The following BMPR1A variants were observed in gnomAD, a reference collection of about 807,000 sequenced individuals.
BMPR1A encodes bone morphogenetic protein receptor type 1A.
In BMPR1A, 7 loss-of-function variants were observed where a neutral mutation model predicts 66.0. The ratio of observed to expected loss-of-function variants is 0.11; its 90% CI spans 0.06 to 0.20. The LOEUF (loss-of-function observed/expected upper bound fraction) is 0.20. Ranked by LOEUF, BMPR1A falls within the 10% of genes least tolerant of loss-of-function variation. The probability of loss-of-function intolerance (pLI) is 1.00; values close to 1 mark genes in which losing one functional copy is unlikely to be tolerated. For synonymous variants in BMPR1A, 200 were observed against 229.7 expected (o/e 0.87, Z 1.17); for missense variants, 408 against 669.1 (o/e 0.61, Z 4.31).
intron 1 of BMPR1A, among the ~76,000 whole-genome samples, chr10:86,782,196 G>A (rs1015082366): frequency 6.6e-6 from 1 of 152,106 alleles, no homozygotes; most frequent in Non-Finnish European, 1.5e-5. Context: ...ATATCCAGTT[G>A]TGTATATGTA....
In BMPR1A at chr10:86,769,269, A is replaced by G. The variant is rs1353745203; in HGVS notation, c.-268+12350A>G. On this transcript the variant is annotated intron_variant, in intron 1 of 12. Transcript: ENST00000372037. Reference sequence around the variant, plus strand: ...CAAGTTGGTGTAAAAGAGTAAATAGATCTAGAGCTGAACTCTGTAGTTCTA... The same window carrying G: ...CAAGTTGGTGTAAAAGAGTAAATAGGTCTAGAGCTGAACTCTGTAGTTCTA... Among the ~76,000 whole-genome samples the G allele has an allele frequency of 4.6e-5, 7 of 152,318 alleles. No individual in the cohort carries two copies. The East Asian group carries it at 1.3e-3, about 29-fold the overall frequency.
chr10:86,767,722 C>CT (rs1365579571), intron 1 of BMPR1A, among the ~76,000 whole-genome samples: 3 of 151,552 alleles, frequency 2.0e-5, no homozygotes, highest in Non-Finnish European at 4.4e-5. Flanking sequence ...TTGAGAATAG[C>CT]TTTTTTTTCC....
chr10:86,889,903 G>A (rs1208394829), intron 3 of BMPR1A, among the ~76,000 whole-genome samples, 159 bp from the exon 4 acceptor site: 3 of 152,172 alleles, frequency 2.0e-5, no homozygotes, highest in Non-Finnish European at 4.4e-5. Context: ...AATAATGTAT[G>A]TCTGTTTGTT....
chr10:86,870,507 T>C (rs894099763), intron 2 of BMPR1A, among the ~76,000 whole-genome samples: 2 of 152,208 alleles, frequency 1.3e-5, no homozygotes, highest in Admixed American at 1.3e-4. Flanking sequence ...ACTGCAGCCT[T>C]GAACTCCTGG....
At chr10:86,879,333 C>T (rs1842958535) in intron 3 of BMPR1A, among the ~76,000 whole-genome samples, 1 of 152,190 alleles carries the variant, frequency 6.6e-6, no homozygotes, top group Non-Finnish European at 1.5e-5. Context: ...CAACAGACTT[C>T]CTTCTAATCT....
At chr10:86,846,540 T>G (rs1337128741) in intron 2 of BMPR1A, among the ~76,000 whole-genome samples, 1 of 152,086 alleles carries the variant, frequency 6.6e-6, no homozygotes, top group Non-Finnish European at 1.5e-5. Flanking sequence ...TTGGACCCTT[T>G]TAATACAAAA....
At chr10:86,770,125 T>C (rs1156613086) in intron 1 of BMPR1A, among the ~76,000 whole-genome samples, 1 of 152,176 alleles carries the variant, frequency 6.6e-6, no homozygotes, top group Non-Finnish European at 1.5e-5. Flanking sequence ...ACCCCGTCTC[T>C]ACAAAAAGTA....
chr10:86,791,224 T>G (rs567164037), intron 1 of BMPR1A, among the ~76,000 whole-genome samples: 1 of 152,194 alleles, frequency 6.6e-6, no homozygotes, highest in South Asian at 2.1e-4. Flanking sequence ...GCTTTTTTTT[T>G]TTTTTTGAGA....
intron 1 of BMPR1A, among the ~76,000 whole-genome samples, chr10:86,829,443 A>G (rs1842239184): frequency 6.6e-6 from 1 of 152,168 alleles, no homozygotes; most frequent in African/African-American, 2.4e-5. Context: ...TACTACCCAC[A>G]GCACAGCATT....
chr10:86,803,217 TACATGAA>T (rs1344623587), intron 1 of BMPR1A, among the ~76,000 whole-genome samples: 2 of 152,126 alleles, frequency 1.3e-5, no homozygotes, highest in Non-Finnish European at 2.9e-5. Flanking sequence ...CCAAGGTTGC[TACATGAA>T]ACAGAAGAAA....
At chr10:86,906,402 T>G (rs1843387950) in intron 7 of BMPR1A, among the ~76,000 whole-genome samples, 1 of 151,858 alleles carries the variant, frequency 6.6e-6, no homozygotes, top group Non-Finnish European at 1.5e-5. Context: ...TATTGCAAAA[T>G]TATCTACTAT....
At chr10:86,759,223 CTT>C (rs1840986329) in intron 1 of BMPR1A, among the ~76,000 whole-genome samples, 1 of 152,148 alleles carries the variant, frequency 6.6e-6, no homozygotes, top group Non-Finnish European at 1.5e-5. Flanking sequence ...ATTATACTGA[CTT>C]TGTTCCTCTC....
At chr10:86,910,462 C>A (rs993652449) in intron 7 of BMPR1A, among the ~76,000 whole-genome samples, 1 of 152,098 alleles carries the variant, frequency 6.6e-6, no homozygotes, top group East Asian at 1.9e-4. Flanking sequence ...TGGAATGATA[C>A]CCCAGGTAAG....
chr10:86,901,630 T>G (rs1196381618), intron 7 of BMPR1A, among the ~76,000 whole-genome samples: 1 of 152,210 alleles, frequency 6.6e-6, no homozygotes, highest in Non-Finnish European at 1.5e-5. Flanking sequence ...CCTTGCCTGT[T>G]AGATAAAGAA....
At chr10:86,899,327 A>G (rs991693887) in intron 5 of BMPR1A, among the ~76,000 whole-genome samples, 2 of 152,178 alleles carry the variant, frequency 1.3e-5, no homozygotes, top group Admixed American at 6.5e-5. Context: ...TTCCCTCACC[A>G]TGGATGCTCA....
intron 2 of BMPR1A, among the ~76,000 whole-genome samples, chr10:86,852,036 A>AGC (rs1842574470): frequency 6.6e-6 from 1 of 152,046 alleles, no homozygotes; most frequent in Non-Finnish European, 1.5e-5. Flanking sequence ...GTGAGCAGTG[A>AGC]TCACATCACT....
intron 1 of BMPR1A, among the ~76,000 whole-genome samples, chr10:86,781,931 A>G (rs937352929): frequency 1.5e-5 from 2 of 131,988 alleles, no homozygotes; most frequent in South Asian, 2.4e-4. Context: ...CAGTGGCGCG[A>G]TCTGGGCTCA....
intron 1 of BMPR1A, among the ~76,000 whole-genome samples, chr10:86,810,666 C>T (rs1474195861): frequency 6.6e-6 from 1 of 152,200 alleles, no homozygotes; most frequent in African/African-American, 2.4e-5. Context: ...TGATATCGTT[C>T]AGCATATTTC....
At chr10:86,796,483 T>C (rs1397263551) in intron 1 of BMPR1A, among the ~76,000 whole-genome samples, 1 of 149,926 alleles carries the variant, frequency 6.7e-6, no homozygotes, top group East Asian at 1.9e-4. Context: ...TCACATAAAT[T>C]TAGGCACATT....
Sources: gnomAD v4.1 joint callset for allele counts (sites outside exome capture counted in the v4.1 genomes callset) on GRCh38, gnomAD v4.1.1 for gene constraint, MANE v1.5 for transcripts, NCBI Gene and HGNC (gene_info 2026-07-23, HGNC 2026-07-21) for gene names.